DPP10: variants seen among roughly 807,000 people sequenced by gnomAD.
The protein encoded by DPP10 is inactive dipeptidyl peptidase 10.
In DPP10, 33 loss-of-function variants were observed where a neutral mutation model predicts 120.9. That is an observed-to-expected ratio of 0.27 (90% CI 0.21 to 0.37). DPP10 has a LOEUF of 0.37. Ranked by LOEUF, DPP10 falls within the 10% of genes least tolerant of loss-of-function variation. The pLI, the probability that DPP10 is intolerant of heterozygous loss-of-function variation, is 1.00. For synonymous variants in DPP10, 337 were observed against 326.1 expected (o/e 1.03, Z -0.36); for missense variants, 816 against 942.8 (o/e 0.87, Z 1.76).
intron 1 of DPP10, among the ~76,000 whole-genome samples, chr2:114,544,404 G>T (rs1401647120): frequency 1.3e-5 from 2 of 152,142 alleles, no homozygotes; most frequent in Admixed American, 6.5e-5. Context: ...TATGTTTCTT[G>T]CCTTCAAAGA....
At chr2:115,419,841 GT>G (rs1384746335) in intron 3 of DPP10, among the ~76,000 whole-genome samples, 1 of 151,978 alleles carries the variant, frequency 6.6e-6, no homozygotes, top group Non-Finnish European at 1.5e-5. Context: ...ATGTCTCCTG[GT>G]GATATTTAAA....
chr2:115,711,351 A>G (rs936471123), intron 7 of DPP10, among the ~76,000 whole-genome samples: 12 of 152,148 alleles, frequency 7.9e-5, no homozygotes, highest in Middle Eastern at 3.2e-3. Context: ...AATGAGGGAT[A>G]CACATAAAGA....
chr2:114,664,027 T>C (rs900290980), intron 1 of DPP10, among the ~76,000 whole-genome samples: 5 of 151,990 alleles, frequency 3.3e-5, no homozygotes, highest in African/African-American at 1.2e-4. Context: ...AGCAATTGTA[T>C]AAAATGCTAC....
intron 1 of DPP10, among the ~76,000 whole-genome samples, chr2:115,174,268 A>G (rs1040194774): frequency 6.6e-6 from 1 of 152,170 alleles, no homozygotes; most frequent in Admixed American, 6.5e-5. Flanking sequence ...ATCGCTTTCA[A>G]TGTACATGTT....
At chr2:114,507,050 C>CTTTTTTTTTTTTTTTTTTT (rs1227607834) in intron 1 of DPP10, among the ~76,000 whole-genome samples, 5 of 124,758 alleles carry the variant, frequency 4.0e-5, no homozygotes, top group Admixed American at 7.8e-5. Context: ...CTTTTTTTTT[C>CTTTTTTTTTTTTTTTTTTT]TTTTTTTTTT....
intron 1 of DPP10, among the ~76,000 whole-genome samples, chr2:114,788,409 A>G (rs933105958): frequency 2.1e-5 from 3 of 140,136 alleles, no homozygotes; most frequent in Non-Finnish European, 4.6e-5. Flanking sequence ...ATGGAAAAGA[A>G]CATGTACATT....
intron 17 of DPP10, among the ~76,000 whole-genome samples, chr2:115,786,814 A>T (rs1299587774): frequency 6.6e-6 from 1 of 152,204 alleles, no homozygotes; most frequent in Non-Finnish European, 1.5e-5. Flanking sequence ...TTATGGAAAG[A>T]TGAAACTGGA....
intron 1 of DPP10, among the ~76,000 whole-genome samples, chr2:114,888,142 C>CT (rs1692227232): frequency 1.5e-5 from 1 of 66,388 alleles, no homozygotes; most frequent in African/African-American, 5.1e-5. Context: ...GCCTCCGTCT[C>CT]AAAAAAAAAA....
intron 1 of DPP10, among the ~76,000 whole-genome samples, chr2:114,820,127 C>G (rs1278071191): frequency 6.6e-6 from 1 of 152,108 alleles, no homozygotes; most frequent in Non-Finnish European, 1.5e-5. Flanking sequence ...ACATTTATCC[C>G]GAAGCAAGAA....
At chr2:114,834,284 T>C (rs950102558) in intron 1 of DPP10, among the ~76,000 whole-genome samples, 2 of 151,222 alleles carry the variant, frequency 1.3e-5, no homozygotes, top group African/African-American at 4.9e-5. Flanking sequence ...TATGTATATA[T>C]AAGCCATGTC....
intron 1 of DPP10, among the ~76,000 whole-genome samples, chr2:115,307,215 A>G (rs1368602113): frequency 1.3e-5 from 2 of 152,128 alleles, no homozygotes; most frequent in African/African-American, 4.8e-5. Flanking sequence ...AATAATATAT[A>G]TAAGCTATTA....
chr2:115,818,875 C>T lies in DPP10; in HGVS notation c.1950+3146C>T, dbSNP rs544284295. 2.7e-4 allele frequency among the ~76,000 whole-genome samples: 41 copies of T among 151,940 alleles called. No individual in the cohort carries two copies. The South Asian group carries it at 8.3e-3, about 31-fold the overall frequency. The stretch of plus-strand genomic sequence containing the variant: ...AAAACTAAAAGAGTGACATAGGATA[C>T]AAACAAGTAAAAATATGAATGACTT... On this transcript the variant is annotated intron_variant, in intron 21 of 25. Coordinates refer to ENST00000410059, the MANE Select transcript of DPP10 (RefSeq NM_020868.6).
intron 1 of DPP10, among the ~76,000 whole-genome samples, chr2:115,075,483 C>T (rs1707711671): frequency 6.6e-6 from 1 of 152,100 alleles, no homozygotes; most frequent in South Asian, 2.1e-4. Context: ...CAAATGAATC[C>T]TGAGATTTTT....
intron 1 of DPP10, among the ~76,000 whole-genome samples, chr2:114,688,230 A>T (rs1699498452): frequency 6.6e-6 from 1 of 152,022 alleles, no homozygotes; most frequent in Non-Finnish European, 1.5e-5. Flanking sequence ...AGCCTGTGGA[A>T]AGTCACAGAG....
At position 115,468,829 on chromosome 2, in the gene DPP10, G is replaced by T; in HGVS notation, c.272-30681G>T. On this transcript the variant is annotated intron_variant, in intron 3 of 25. Transcript: ENST00000410059. Reference sequence around the variant, plus strand: ...TGCAGGTGCCCTCTGTGCTTATTCAGCAGGGCTCTGCTGAAGACTGGAGCA... The same window carrying T: ...TGCAGGTGCCCTCTGTGCTTATTCATCAGGGCTCTGCTGAAGACTGGAGCA... 3 of 434,754 alleles carry T rather than the reference G, an allele frequency of 6.9e-6. No individual in the cohort carries two copies. The Admixed American group carries it at 7.6e-5, about 11-fold the overall frequency. 26.9% of individuals were successfully genotyped at this position (434,754 alleles called of 1,614,324 possible). A position where few individuals can be genotyped will look rare whatever the true frequency, so the allele number is the denominator to read the frequency against.
chr2:115,360,858 G>A (rs955337049), intron 3 of DPP10, among the ~76,000 whole-genome samples: 1 of 152,192 alleles, frequency 6.6e-6, no homozygotes. Flanking sequence ...TCGGTCAGAG[G>A]TGGAGGATCC....
intron 1 of DPP10, among the ~76,000 whole-genome samples, chr2:114,978,768 C>T (rs1245096927): frequency 6.6e-6 from 1 of 152,102 alleles, no homozygotes; most frequent in Non-Finnish European, 1.5e-5. Flanking sequence ...CAAATGATTT[C>T]TTCATGACAT....
intron 1 of DPP10, among the ~76,000 whole-genome samples, chr2:114,751,550 G>A (rs901990654): frequency 6.6e-5 from 10 of 152,286 alleles, no homozygotes; most frequent in South Asian, 2.1e-4. Flanking sequence ...GGTTGCTAGC[G>A]AAGCTACATG....
At chr2:114,895,230 G>A (rs1054127002) in intron 1 of DPP10, among the ~76,000 whole-genome samples, 1 of 152,132 alleles carries the variant, frequency 6.6e-6, no homozygotes, top group Non-Finnish European at 1.5e-5. Flanking sequence ...AACGACGTGT[G>A]GATACAAAAG....
Sources: gnomAD v4.1 joint callset for allele counts (sites outside exome capture counted in the v4.1 genomes callset) on GRCh38, gnomAD v4.1.1 for gene constraint, MANE v1.5 for transcripts, NCBI Gene and HGNC (gene_info 2026-07-23, HGNC 2026-07-21) for gene names.